Variants in DLG2 observed in about 807,000 individuals in gnomAD.
DLG2 encodes discs large MAGUK scaffold protein 2, also known as disks large homolog 2.
A neutral mutation model predicts 132.5 loss-of-function variants in DLG2; 45 were observed. That is an observed-to-expected ratio of 0.34 (90% CI 0.27 to 0.44). The LOEUF is 0.44. Among genes scored for constraint, DLG2 ranks in the 20% least tolerant of loss-of-function variants. DLG2 has a pLI of 1.00. For synonymous variants in DLG2, 424 were observed against 419.6 expected, an observed-to-expected ratio of 1.01 and a Z score of -0.13; for missense variants, 1,045 against 1,196.9, an observed-to-expected ratio of 0.87 and a Z score of 1.87.
At chr11:84,452,807 T>C (rs778110326) in intron 7 of DLG2, among the ~76,000 whole-genome samples, 33 of 151,628 alleles carry the variant, frequency 2.2e-4, no homozygotes, top group Non-Finnish European at 4.1e-4. Flanking sequence ...GCACCTGTAA[T>C]TCCAGCTACT....
intron 6 of DLG2, among the ~76,000 whole-genome samples, chr11:84,736,214 T>C: frequency 6.6e-6 from 1 of 152,142 alleles, no homozygotes; most frequent in Non-Finnish European, 1.5e-5. Flanking sequence ...TTTTGGACTC[T>C]CCATTCTATT....
At chr11:84,412,866 A>C (rs745815874) in intron 7 of DLG2, among the ~76,000 whole-genome samples, 112 of 152,196 alleles carry the variant, frequency 7.4e-4, no homozygotes, top group Non-Finnish European at 1.4e-3. Context: ...GGAAACCTCC[A>C]AGATAACTTC....
intron 6 of DLG2, among the ~76,000 whole-genome samples, chr11:84,550,271 T>TTCTGAAGG (rs2099399351): frequency 6.6e-6 from 1 of 152,104 alleles, no homozygotes; most frequent in South Asian, 2.1e-4. Flanking sequence ...AGCACAAACT[T>TTCTGAAGG]TCTGAAGGTG....
At chr11:85,053,707 T>C (rs1172101313) in intron 6 of DLG2, among the ~76,000 whole-genome samples, 1 of 134,894 alleles carries the variant, frequency 7.4e-6, no homozygotes, top group Non-Finnish European at 1.5e-5. Context: ...GAGGCTGAGA[T>C]AGGAGAATGG....
chr11:84,373,249 C>T (rs1423543809), intron 7 of DLG2, among the ~76,000 whole-genome samples: 1 of 41,664 alleles, frequency 2.4e-5, no homozygotes, highest in Non-Finnish European at 3.7e-5. Flanking sequence ...AAGAAACAGT[C>T]AAAAAAAAAA....
At chr11:83,870,316 ATG>A (rs2063194462) in intron 16 of DLG2, among the ~76,000 whole-genome samples, 3 of 152,132 alleles carry the variant, frequency 2.0e-5, no homozygotes, top group African/African-American at 7.2e-5. Flanking sequence ...TCCAATGTCC[ATG>A]TGTATATATT....
At chr11:84,871,786 G>A (rs561065791) in intron 6 of DLG2, among the ~76,000 whole-genome samples, 14 of 152,042 alleles carry the variant, frequency 9.2e-5, no homozygotes, top group Admixed American at 5.2e-4. Context: ...GCAGTACCAC[G>A]ATCCTGGCTC....
intron 19 of DLG2, among the ~76,000 whole-genome samples, chr11:83,589,284 C>T (rs1358068322): frequency 6.6e-6 from 1 of 150,434 alleles, no homozygotes; most frequent in Non-Finnish European, 1.5e-5. Context: ...AGACTAACAG[C>T]AGATCTCTCG....
chr11:85,472,985 T>A (rs1477482136), intron 3 of DLG2, among the ~76,000 whole-genome samples: 1 of 152,238 alleles, frequency 6.6e-6, no homozygotes, highest in African/African-American at 2.4e-5. Flanking sequence ...GCTGTAACAC[T>A]GCCTTTGGGG....
chr11:84,271,292 T>A lies in DLG2; in HGVS notation c.520-20001A>T, dbSNP rs566765052. 3.9e-5 allele frequency among the ~76,000 whole-genome samples: 6 copies of A among 152,278 alleles called. No homozygotes were observed. In the South Asian group the frequency reaches 1.2e-3, roughly 32 times the overall value. ...CAGTCAAAACTAAAGCAAACCTGAA[T>A]GATAATTTGGGCATGATTTTATATA... On this transcript the variant is annotated intron_variant, in intron 7 of 27. Coordinates refer to ENST00000376104, the MANE Select transcript of DLG2 (RefSeq NM_001142699.3).
intron 6 of DLG2, among the ~76,000 whole-genome samples, chr11:84,741,061 T>G (rs1356552405): frequency 7.9e-6 from 1 of 126,300 alleles, no homozygotes; most frequent in East Asian, 2.2e-4. Flanking sequence ...ATGCTCTTTT[T>G]TTTTTTTTTT....
intron 11 of DLG2, among the ~76,000 whole-genome samples, chr11:83,980,998 T>C (rs578063891): frequency 6.6e-6 from 1 of 152,314 alleles, no homozygotes; most frequent in Admixed American, 6.5e-5. Context: ...AAGACAAGTA[T>C]AGTCCTGCTC....
chr11:84,317,840 TAG>T (rs1168201169), intron 7 of DLG2, among the ~76,000 whole-genome samples: 1 of 152,218 alleles, frequency 6.6e-6, no homozygotes, highest in Non-Finnish European at 1.5e-5. Flanking sequence ...ACCATTATAC[TAG>T]AGTCTCTTAA....
intron 3 of DLG2, among the ~76,000 whole-genome samples, chr11:85,523,181 G>A (rs889545817): frequency 6.6e-6 from 1 of 152,152 alleles, no homozygotes; most frequent in Non-Finnish European, 1.5e-5. Context: ...AGATCTGATG[G>A]TTTTGTGAGG....
intron 7 of DLG2, among the ~76,000 whole-genome samples, chr11:84,351,636 A>C (rs972329386): frequency 6.6e-6 from 1 of 152,232 alleles, no homozygotes; most frequent in Non-Finnish European, 1.5e-5. Context: ...TGGATACTCC[A>C]TAAGTCTGGT....
At chr11:85,203,366 G>A (rs2152556685) in intron 4 of DLG2, among the ~76,000 whole-genome samples, 1 of 151,854 alleles carries the variant, frequency 6.6e-6, no homozygotes, top group African/African-American at 2.4e-5. Context: ...GATGAAAAAG[G>A]AGACATTACA....
intron 6 of DLG2, among the ~76,000 whole-genome samples, chr11:84,868,824 G>A (rs1348947725): frequency 6.6e-6 from 1 of 152,150 alleles, no homozygotes; most frequent in East Asian, 1.9e-4. Context: ...AAATTTACTA[G>A]CAAAATTTAT....
chr11:85,513,523 T>C lies in DLG2; in HGVS notation c.40+85134A>G, dbSNP rs538404777. On this transcript the variant is annotated intron_variant, in intron 3 of 27. Transcript: ENST00000376104. The stretch of plus-strand genomic sequence containing the variant: ...TTGAAACCTTAGAGTTAATTAGCTC[T>C]ATGAGTTTTGGGGTTCTTTTTATGT... Among the ~76,000 whole-genome samples the C allele has an allele frequency of 1.1e-3, 167 of 152,162 alleles. 1 individual carries two copies. Among genetic ancestry groups the C allele is most frequent in the Admixed American group, 1.2e-3 (19 of 15,268 alleles).
At chr11:83,771,904 T>G (rs940323674) in intron 18 of DLG2, among the ~76,000 whole-genome samples, 2 of 152,234 alleles carry the variant, frequency 1.3e-5, no homozygotes, top group Admixed American at 6.5e-5. Context: ...CTGGTTAATT[T>G]TTGCACATAT....
Sources: allele counts gnomAD v4.1 joint callset (sites outside exome capture counted in the v4.1 genomes callset), GRCh38; gene constraint gnomAD v4.1.1; transcripts MANE v1.5; gene names NCBI Gene and HGNC (gene_info 2026-07-23, HGNC 2026-07-21).